The following DPYD variants were observed in gnomAD, a reference collection of about 807,000 sequenced individuals.
The protein encoded by DPYD is dihydropyrimidine dehydrogenase [NADP(+)].
DPYD carries 109 observed loss-of-function variants against 116.2 expected under a neutral mutation model. The ratio of observed to expected loss-of-function variants is 0.94; its 90% CI spans 0.80 to 1.10. The LOEUF is 1.10. DPYD is among the 50% of genes least tolerant of loss of function. The pLI, the probability that DPYD is intolerant of heterozygous loss-of-function variation, is 0.00. For synonymous variants in DPYD, 440 were observed against 432.0 expected (o/e 1.02, Z -0.23); for missense variants, 1,302 against 1,254.5 (o/e 1.04, Z -0.57).
intron 13 of DPYD, among the ~76,000 whole-genome samples, chr1:97,504,310 G>A (rs1679761373): frequency 6.6e-6 from 1 of 151,932 alleles, no homozygotes; most frequent in Admixed American, 6.6e-5. Context: ...TAAAAGATGA[G>A]CTAAAAGAGA....
At chr1:97,435,040 T>C (rs1484361447) in intron 14 of DPYD, among the ~76,000 whole-genome samples, 1 of 152,010 alleles carries the variant, frequency 6.6e-6, no homozygotes, top group Non-Finnish European at 1.5e-5. Context: ...AAAACCCCTT[T>C]GTCAATTCTT....
At position 97,699,359 on chromosome 1, in the gene DPYD, A is replaced by T. The variant is rs753828034; in HGVS notation, c.672T>A (p.Gly224=). The T allele has an allele frequency of 1.2e-6, 2 of 1,613,460 alleles. No homozygotes were observed. Among genetic ancestry groups the T allele is most frequent in the African/African-American group, 2.7e-5 (2 of 75,002 alleles). The change falls in exon 6 of 23, where the codon GGT becomes GGA. Residue 224 remains glycine (G), a synonymous_variant. Coordinates refer to ENST00000370192, the MANE Select transcript of DPYD (RefSeq NM_000110.4). ...ATAAATGTAGGCATTACCTTAAACC[A>T]CCAACATATTCTTGTTTTTCAAATA... ...ITIFEKQEYV[G]GLSTSEIPQF...
chr1:97,863,562 T>C (rs1327674587), intron 2 of DPYD, among the ~76,000 whole-genome samples: 1 of 151,894 alleles, frequency 6.6e-6, no homozygotes, highest in African/African-American at 2.4e-5. Context: ...ATGTATATTA[T>C]AGAATATTAT....
intron 11 of DPYD, among the ~76,000 whole-genome samples, chr1:97,558,087 C>A (rs17116925): frequency 0.12 from 18,070 of 152,162 alleles, 1,245 homozygotes; most frequent in African/African-American, 0.18. Context: ...AAAGTGAAGA[C>A]AGGAACAGCA....
chr1:97,920,506 AG>A, intron 1 of DPYD, among the ~76,000 whole-genome samples: 1 of 152,238 alleles, frequency 6.6e-6, no homozygotes. Flanking sequence ...GACATACAGG[AG>A]GTGAAGGGGT....
At chr1:97,323,807 C>G (rs376527102) in intron 16 of DPYD, among the ~76,000 whole-genome samples, 16 of 151,004 alleles carry the variant, frequency 1.1e-4, no homozygotes, top group African/African-American at 3.6e-4. Context: ...TATATTTTGG[C>G]TGTCTGAAAT....
chr1:97,896,083 T>C (rs1016291606), intron 1 of DPYD, among the ~76,000 whole-genome samples: 1 of 151,746 alleles, frequency 6.6e-6, no homozygotes, highest in Non-Finnish European at 1.5e-5. Flanking sequence ...ACTTGGCATC[T>C]TTTTTGGGTC....
intron 16 of DPYD, among the ~76,000 whole-genome samples, chr1:97,369,562 C>T (rs1019553185): frequency 6.6e-6 from 1 of 152,136 alleles, no homozygotes; most frequent in African/African-American, 2.4e-5. Context: ...ACTCGAGGGC[C>T]TCTGCCTTGT....
rs143879757 is a variant in DPYD at position 97,595,124 on chromosome 1, G to A, written c.893C>T (p.Thr298Met). Residue 298 changes from threonine to methionine, a missense_variant, in exon 9 of 23, where the codon ACG becomes ATG. Transcript: ENST00000370192. The stretch of plus-strand genomic sequence containing the variant: ...GGATGTATAAAACCCCTGGTCCTGC[G>A]TCAGGCCTTGGAAGATGGCATCTTT... ...PNKDAIFQGL[T>M]QDQGFYTSKD... is the part of the protein sequence containing the mutation. The A allele has an allele frequency of 4.5e-5, 72 of 1,613,540 alleles. No individual in the cohort carries two copies. Among genetic ancestry groups the A allele is most frequent in the East Asian group, 1.8e-4 (8 of 44,864 alleles).
At position 97,185,067 on chromosome 1, in the gene DPYD, A is replaced by G. The variant is rs1222547441; in HGVS notation, c.2622+8002T>C. ...TAATGAATTGCTGAAGGCCATTATTATGATTGGATGTTGGATTTTGTCAAA... is the reference window on the plus strand; with the variant it reads ...TAATGAATTGCTGAAGGCCATTATTGTGATTGGATGTTGGATTTTGTCAAA... On this transcript the variant is annotated intron_variant, in intron 20 of 22. Coordinates refer to ENST00000370192, the MANE Select transcript of DPYD (RefSeq NM_000110.4). Among the ~76,000 whole-genome samples, 8 of 152,170 alleles carry G rather than the reference A, an allele frequency of 5.3e-5. No individual in the cohort carries two copies. The East Asian group carries it at 1.2e-3, about 22-fold the overall frequency.
At chr1:97,152,540 T>G (rs1387497738) in intron 20 of DPYD, among the ~76,000 whole-genome samples, 1 of 151,270 alleles carries the variant, frequency 6.6e-6, no homozygotes, top group Non-Finnish European at 1.5e-5. Context: ...ATATATCTAT[T>G]AAATTATAAT....
At chr1:97,658,350 T>C (rs1659059058) in intron 8 of DPYD, among the ~76,000 whole-genome samples, 1 of 152,176 alleles carries the variant, frequency 6.6e-6, no homozygotes. Flanking sequence ...ACAATGTCAA[T>C]ACTGGGAAAA....
chr1:97,453,706 A>AT (rs1676538218), intron 13 of DPYD, among the ~76,000 whole-genome samples: 1 of 151,782 alleles, frequency 6.6e-6, no homozygotes, highest in Admixed American at 6.6e-5. Context: ...ACCTTTAAGA[A>AT]TTTTTTCTTT....
chr1:97,818,196 T>C (rs889223197), intron 3 of DPYD, among the ~76,000 whole-genome samples: 1 of 152,048 alleles, frequency 6.6e-6, no homozygotes, highest in South Asian at 2.1e-4. Context: ...TTTCCAAAAA[T>C]ATCAAACTAT....
At position 97,382,424 on chromosome 1, in the gene DPYD, T is replaced by C; in HGVS notation, c.1943A>G (p.Asn648Ser). 6.3e-7 allele frequency: 1 copy of C among 1,598,956 alleles called. No individual in the cohort carries two copies. Among genetic ancestry groups the C allele is most frequent in the Non-Finnish European group, 8.5e-7 (1 of 1,172,236 alleles). Residue 648 changes from asparagine to serine, a missense_variant, in exon 15 of 23, where the codon AAT (asparagine) becomes AGT (serine). Asn to Ser is a conservative substitution (Grantham distance 46). Coordinates refer to ENST00000370192, the MANE Select transcript of DPYD (RefSeq NM_000110.4). ...IASIMCSYNK[N>S]DWTELAKKSE... ...CTTCTTGGCAAGTTCCGTCCAGTCATTTTTATTGTAACTGCACATAATGCT... is the reference window on the plus strand; with the variant it reads ...CTTCTTGGCAAGTTCCGTCCAGTCACTTTTATTGTAACTGCACATAATGCT...
chr1:97,671,943 A>AT (rs1365079616), intron 8 of DPYD, among the ~76,000 whole-genome samples: 1 of 138,240 alleles, frequency 7.2e-6, no homozygotes, highest in African/African-American at 2.7e-5. Flanking sequence ...GTATTTATCT[A>AT]TTATTTTTTT....
At chr1:97,637,483 A>G (rs1157326465) in intron 8 of DPYD, among the ~76,000 whole-genome samples, 1 of 151,748 alleles carries the variant, frequency 6.6e-6, no homozygotes, top group Non-Finnish European at 1.5e-5. Context: ...AACATAAGAG[A>G]GTACAGGAAA....
intron 12 of DPYD, among the ~76,000 whole-genome samples, chr1:97,528,103 CT>C (rs1349183307): frequency 6.6e-6 from 1 of 152,108 alleles, no homozygotes; most frequent in Non-Finnish European, 1.5e-5. Flanking sequence ...TAATAATTAA[CT>C]CAAGATCAGT....
intron 18 of DPYD, among the ~76,000 whole-genome samples, chr1:97,247,736 A>T (rs1662816262): frequency 6.6e-6 from 1 of 152,216 alleles, no homozygotes; most frequent in Admixed American, 6.5e-5. Flanking sequence ...AATGTCATAC[A>T]ATAAACTCAA....
Sources: gnomAD v4.1 joint callset for allele counts (sites outside exome capture counted in the v4.1 genomes callset) on GRCh38, gnomAD v4.1.1 for gene constraint, MANE v1.5 for transcripts, NCBI Gene and HGNC (gene_info 2026-07-23, HGNC 2026-07-21) for gene names.